PRKD1: variants seen among roughly 807,000 people sequenced by gnomAD.
The protein encoded by PRKD1 is protein kinase D1.
A neutral mutation model predicts 95.9 loss-of-function variants in PRKD1; 63 were observed. The observed-to-expected ratio is 0.66, with a 90% CI of 0.54 to 0.81. The LOEUF (loss-of-function observed/expected upper bound fraction) is 0.81. PRKD1 is among the 30% of genes least tolerant of loss of function. The pLI, the probability that PRKD1 is intolerant of heterozygous loss-of-function variation, is 0.00. For missense variants in PRKD1, 1,048 were observed against 1,165.3 expected (o/e 0.90, Z 1.47); for synonymous variants, 425 against 423.1 (o/e 1.00, Z -0.05).
intron 13 of PRKD1, among the ~76,000 whole-genome samples, chr14:29,622,256 G>A (rs1187424777): frequency 6.6e-6 from 1 of 152,038 alleles, no homozygotes; most frequent in East Asian, 1.9e-4. Context: ...CTGTTGTTCG[G>A]CCCAGTTCCT....
intron 13 of PRKD1, among the ~76,000 whole-genome samples, chr14:29,621,918 T>C (rs372598241): frequency 1.3e-5 from 2 of 152,232 alleles, no homozygotes; most frequent in African/African-American, 4.8e-5. Flanking sequence ...AACTGGACTT[T>C]CAACCTAACC....
At chr14:29,744,920 A>C (rs1422205200) in intron 1 of PRKD1, among the ~76,000 whole-genome samples, 1 of 152,180 alleles carries the variant, frequency 6.6e-6, no homozygotes, top group Non-Finnish European at 1.5e-5. Context: ...ATCATCCCAA[A>C]GTCAACCAGA....
At chr14:29,843,122 G>C (rs1891930017) in intron 1 of PRKD1, among the ~76,000 whole-genome samples, 1 of 152,162 alleles carries the variant, frequency 6.6e-6, no homozygotes, top group African/African-American at 2.4e-5. Context: ...GGCCCTTAAA[G>C]AGGCAATTAA....
At chr14:29,818,314 T>G (rs1890773099) in intron 1 of PRKD1, among the ~76,000 whole-genome samples, 2 of 152,240 alleles carry the variant, frequency 1.3e-5, no homozygotes, top group Non-Finnish European at 2.9e-5. Flanking sequence ...TCTCCAATAC[T>G]GGGGATAAAT....
chr14:29,703,669 T>C (rs1555337254), intron 2 of PRKD1, among the ~76,000 whole-genome samples: 1 of 152,178 alleles, frequency 6.6e-6, no homozygotes, highest in African/African-American at 2.4e-5. Flanking sequence ...TATCTTTTTT[T>C]CCCACCTCAT....
At chr14:29,598,942 G>T in intron 15 of PRKD1, 85 bp downstream of exon 15, 1 of 1,141,550 alleles carries the variant, frequency 8.8e-7, no homozygotes, top group Non-Finnish European at 1.3e-6. Context: ...AGGTTTTAAG[G>T]GAAAAATGGA....
intron 1 of PRKD1, among the ~76,000 whole-genome samples, chr14:29,775,751 C>T (rs1888715451): frequency 6.6e-6 from 1 of 151,984 alleles, no homozygotes; most frequent in Admixed American, 6.5e-5. Flanking sequence ...GCAGCAGAAC[C>T]TCCTGCAAAC....
chr14:29,818,472 C>A (rs548886256), intron 1 of PRKD1, among the ~76,000 whole-genome samples: 9 of 152,144 alleles, frequency 5.9e-5, no homozygotes, highest in Admixed American at 5.2e-4. Flanking sequence ...TACCTGTAGT[C>A]AAAATTGTGC....
chr14:29,831,022 G>GT (rs1891387950), intron 1 of PRKD1, among the ~76,000 whole-genome samples: 1 of 152,108 alleles, frequency 6.6e-6, no homozygotes, highest in Non-Finnish European at 1.5e-5. Flanking sequence ...AAAGAAGAAA[G>GT]TATTATTTCT....
chr14:29,686,321 C>T (rs1883867558), intron 2 of PRKD1, among the ~76,000 whole-genome samples: 1 of 152,134 alleles, frequency 6.6e-6, no homozygotes, highest in African/African-American at 2.4e-5. Context: ...GTGGAAGCGT[C>T]TGGGGGAATG....
intron 1 of PRKD1, among the ~76,000 whole-genome samples, chr14:29,821,004 A>G (rs760831473): frequency 1.3e-5 from 2 of 152,176 alleles, no homozygotes; most frequent in Non-Finnish European, 2.9e-5. Context: ...ATTAACAGTG[A>G]TGGAGAGAAA....
intron 1 of PRKD1, among the ~76,000 whole-genome samples, chr14:29,754,563 C>T (rs570008682): frequency 6.6e-5 from 10 of 152,098 alleles, no homozygotes; most frequent in African/African-American, 2.4e-4. Context: ...AACAATTTTT[C>T]CAATTATCTA....
At position 29,639,501 on chromosome 14, in the gene PRKD1, C is replaced by A. The variant is rs45550836; in HGVS notation, c.697-597G>T. Among the ~76,000 whole-genome samples the A allele has an allele frequency of 5.4e-3, 825 of 152,190 alleles. 8 individuals carry two copies. Among genetic ancestry groups the A allele is most frequent in the African/African-American group, 0.018 (756 of 41,520 alleles). On this transcript the variant is annotated intron_variant, in intron 4 of 17. Coordinates refer to ENST00000331968, the MANE Select transcript of PRKD1 (RefSeq NM_002742.3). ...GGGTGTGGTGGTGCTCGCCTGTAAT[C>A]CCAGCTACTCGGTATGCTGAAGCAG...
In PRKD1 at chr14:29,582,478, C is replaced by A. The variant is rs74042665; in HGVS notation, c.2435-4118G>T. 4.0e-3 allele frequency among the ~76,000 whole-genome samples: 604 copies of A among 152,120 alleles called. 5 individuals are homozygous for A. The highest frequency in any genetic ancestry group is 0.014 in the African/African-American group (576 of 41,492). On this transcript the variant is annotated intron_variant, in intron 16 of 17. Transcript: ENST00000331968. Reference sequence around the variant, plus strand: ...TTATCTATGATTTATTAAAAATTACCACGGCTCTAAAAGCACATCTGTTAG... The same window carrying A: ...TTATCTATGATTTATTAAAAATTACAACGGCTCTAAAAGCACATCTGTTAG...
Position 29,624,204 on chromosome 14 carries a change from C to T in PRKD1, c.1853G>A (p.Arg618Gln), listed in dbSNP as rs771285195. Reference sequence around the variant, plus strand: ...CTGGCTTTCTTGTTTTGTTGGAAATCGTAATTTGTCAATGATTTTAATAGC... The same window carrying T: ...CTGGCTTTCTTGTTTTGTTGGAAATTGTAATTTGTCAATGATTTTAATAGC... ...DVAIKIIDKL[R>Q]FPTKQESQLR... Residue 618 changes from arginine (R) to glutamine (Q), a missense_variant, in exon 13 of 18, where the codon CGA becomes CAA. Physicochemically the swap from Arg to Gln is conservative, Grantham distance 43. Around this residue, in one of 3 missense-constraint regions of PRKD1, gnomAD observed 739 missense variants for 861.9 expected, o/e 0.86. Coordinates refer to ENST00000331968, the MANE Select transcript of PRKD1 (RefSeq NM_002742.3). The T allele has an allele frequency of 1.9e-5, 30 of 1,604,230 alleles. No individual in the cohort carries two copies. Among genetic ancestry groups the T allele is most frequent in the South Asian group, 3.3e-5 (3 of 89,630 alleles).
At chr14:29,611,757 A>AAAC (rs1555327961) in intron 13 of PRKD1, among the ~76,000 whole-genome samples, 4 of 152,000 alleles carry the variant, frequency 2.6e-5, no homozygotes, top group African/African-American at 7.2e-5. Flanking sequence ...AAAAAAAAAA[A>AAAC]AAACAAACGC....
intron 2 of PRKD1, among the ~76,000 whole-genome samples, chr14:29,703,703 A>G (rs1234667652): frequency 6.6e-6 from 1 of 152,154 alleles, no homozygotes; most frequent in Non-Finnish European, 1.5e-5. Context: ...TACACAAATA[A>G]ATATATGTTA....
intron 4 of PRKD1, among the ~76,000 whole-genome samples, chr14:29,646,674 C>A (rs1205820927): frequency 4.0e-5 from 6 of 151,714 alleles, no homozygotes; most frequent in African/African-American, 1.5e-4. Flanking sequence ...GATGACCTAA[C>A]CTGCTGTTAG....
intron 4 of PRKD1, among the ~76,000 whole-genome samples, chr14:29,658,228 G>C (rs1472919940): frequency 6.6e-6 from 1 of 152,142 alleles, no homozygotes; most frequent in African/African-American, 2.4e-5. Context: ...ATGCTGTTCA[G>C]CTCATATTTG....
Sources: allele counts gnomAD v4.1 joint callset (sites outside exome capture counted in the v4.1 genomes callset), GRCh38; gene constraint gnomAD v4.1.1; regional missense constraint gnomAD v4.1.1; transcripts MANE v1.5; gene names NCBI Gene and HGNC (gene_info 2026-07-23, HGNC 2026-07-21).